NPTXR: variants seen among roughly 807,000 people sequenced by gnomAD.
NPTXR encodes the protein neuronal pentraxin receptor.
Under a neutral mutation model 32.2 loss-of-function variants are expected in NPTXR, and 12 were observed. That is an observed-to-expected ratio of 0.37 (90% confidence interval 0.24 to 0.60). The LOEUF (loss-of-function observed/expected upper bound fraction) is 0.60. Among genes scored for constraint, NPTXR ranks in the 20% least tolerant of loss-of-function variants. NPTXR has a pLI of 0.66. For synonymous variants in NPTXR, 323 were observed against 315.8 expected (o/e 1.02, Z -0.24); for missense variants, 612 against 682.9 (o/e 0.90, Z 1.16).
In NPTXR at chr22:38,820,548, C is replaced by G. The variant is rs1458835564; in HGVS notation, c.*2061G>C. ...GGGACACCTCAGCTCTCCATTCTGCCGAAGCGCCCAGGGATCATAACCTCC... is the reference window on the plus strand; with the variant it reads ...GGGACACCTCAGCTCTCCATTCTGCGGAAGCGCCCAGGGATCATAACCTCC... On this transcript the variant is annotated 3_prime_UTR_variant, in exon 5 of 5. Coordinates refer to ENST00000333039, the MANE Select transcript of NPTXR (RefSeq NM_014293.4). The G allele has an allele frequency of 6.6e-6, 1 of 152,146 alleles. No homozygotes were observed. Among genetic ancestry groups the G allele is most frequent in the Non-Finnish European group, 1.5e-5 (1 of 68,050 alleles). 9.4% of individuals were successfully genotyped at this position (152,146 alleles called of 1,614,324 possible).
At chr22:38,835,431 T>C (rs2093122531) in intron 1 of NPTXR, among the ~76,000 whole-genome samples, 2 of 152,154 alleles carry the variant, frequency 1.3e-5, no homozygotes, top group South Asian at 4.1e-4. Context: ...TTGGTTTTGA[T>C]CATCCTGGTC....
At chr22:38,823,366 G>A in intron 3 of NPTXR, 104 bp from the exon 4 acceptor site, 2 of 1,024,354 alleles carry the variant, frequency 2.0e-6, no homozygotes, top group Middle Eastern at 3.1e-4. Context: ...CATCCTTCCA[G>A]GGCCCGACCC....
At chr22:38,829,791 G>A (rs2146194435) in intron 1 of NPTXR, among the ~76,000 whole-genome samples, 1 of 152,328 alleles carries the variant, frequency 6.6e-6, no homozygotes, top group African/African-American at 2.4e-5. Flanking sequence ...AGTTGTGGCT[G>A]GAGGCAAAAC....
chr22:38,824,153 T>C (rs1569326870), intron 3 of NPTXR, among the ~76,000 whole-genome samples: 1 of 151,492 alleles, frequency 6.6e-6, no homozygotes, highest in Non-Finnish European at 1.5e-5. Flanking sequence ...TTTTTTTTTT[T>C]TTTTTTTTGT....
intron 1 of NPTXR, among the ~76,000 whole-genome samples, chr22:38,832,089 G>A (rs2093117134): frequency 6.6e-6 from 1 of 152,204 alleles, no homozygotes; most frequent in Admixed American, 6.5e-5. Flanking sequence ...ACGCTGTTTG[G>A]AGGAGAAAAC....
chr22:38,830,167 C>T (rs1314698976), intron 1 of NPTXR, among the ~76,000 whole-genome samples: 2 of 152,312 alleles, frequency 1.3e-5, no homozygotes, highest in South Asian at 2.1e-4. Flanking sequence ...TTGCAGGAAC[C>T]GGCCCTCGGC....
rs1456694020 is a variant in NPTXR at position 38,822,052 on chromosome 22, G to T, written c.*557C>A. On this transcript the variant is annotated 3_prime_UTR_variant, in exon 5 of 5. Transcript: ENST00000333039. Reference sequence around the variant, plus strand: ...GAGGAGGAAAGAGGAGGAAGAGGGAGGCATGGGTGGGGGGGGGGGGAGGCT... The same window carrying T: ...GAGGAGGAAAGAGGAGGAAGAGGGATGCATGGGTGGGGGGGGGGGGAGGCT... 8.3e-6 allele frequency: 1 copy of T among 120,304 alleles called. No homozygotes were observed. The highest frequency in any genetic ancestry group is 1.7e-5 in the Non-Finnish European group (1 of 57,902). 7.5% of individuals were successfully genotyped at this position (120,304 alleles called of 1,614,324 possible).
chr22:38,822,605 C>T lies in NPTXR; in HGVS notation c.*4G>A. 1 of 1,599,726 alleles carries T rather than the reference C, an allele frequency of 6.3e-7. No individual in the cohort carries two copies. The highest frequency in any genetic ancestry group is 8.5e-7 in the Non-Finnish European group (1 of 1,174,508). On this transcript the variant is annotated 3_prime_UTR_variant, in exon 5 of 5. Coordinates refer to ENST00000333039, the MANE Select transcript of NPTXR (RefSeq NM_014293.4). ...AAGGGAGGGGCCCTGGATGAGGTGG[C>T]CCCTCATGCCTTGGCCCTCCCCTTG... is the stretch of plus-strand genomic sequence containing the variant.
In NPTXR at chr22:38,834,614, A is replaced by ATCCC. The variant is rs2093121296; in HGVS notation, c.625-6103_625-6102insGGGA. On this transcript the variant is annotated intron_variant, in intron 1 of 4. Transcript: ENST00000333039. This position sits in a 1 kb window ranked among gnomAD's most constrained non-coding sequence, Gnocchi z 4.4. ...CCATCCATCCATCATCCATCCATCC[A>ATCCC]TCCATCCATCCATCCATCCATCCAT... Among the ~76,000 whole-genome samples the ATCCC allele has an allele frequency of 6.9e-6, 1 of 145,940 alleles. No homozygotes were observed. The highest frequency in any genetic ancestry group is 1.5e-5 in the Non-Finnish European group (1 of 67,728).
rs2093092126 is a variant in NPTXR, at chr22:38,818,923, A to T, written c.*3686T>A. On this transcript the variant is annotated 3_prime_UTR_variant, in exon 5 of 5. Coordinates refer to ENST00000333039, the MANE Select transcript of NPTXR (RefSeq NM_014293.4). This position sits in a 1 kb window ranked among gnomAD's most constrained non-coding sequence, Gnocchi z 4.5. ...CTGCGTCCTAGAGAGGGCTGAATGC[A>T]GTCAGAAGGCTGGGCTCAAGTCTCC... is the stretch of plus-strand genomic sequence containing the variant. 1 of 152,402 alleles carries T rather than the reference A, an allele frequency of 6.6e-6. No homozygotes were observed. The highest frequency in any genetic ancestry group is 2.4e-5 in the African/African-American group (1 of 41,440). 9.4% of individuals were successfully genotyped at this position (152,402 alleles called of 1,614,324 possible). A position where few individuals can be genotyped will look rare whatever the true frequency, so the allele number is the denominator to read the frequency against.
Position 38,843,841 on chromosome 22 carries a change from C to A in NPTXR, c.18G>T (p.Val6=). ...ACGCCAGCATGCCCGCGGCCAGCAGCACGGCCAGGAACTTCAGCGTGAGGC... is the reference window on the plus strand; with the variant it reads ...ACGCCAGCATGCCCGCGGCCAGCAGAACGGCCAGGAACTTCAGCGTGAGGC... Residue 6 remains valine, a synonymous_variant, in exon 1 of 5, where the codon GTG becomes GTT. Transcript: ENST00000333039. The surrounding 1 kb of genome is among the most constrained non-coding windows in gnomAD (Gnocchi z 5.3). The A allele has an allele frequency of 9.8e-7, 1 of 1,016,458 alleles. No individual in the cohort carries two copies. The highest frequency in any genetic ancestry group is 1.2e-6 in the Non-Finnish European group (1 of 852,034). 63.0% of individuals were successfully genotyped at this position (1,016,458 alleles called of 1,614,324 possible). A position where few individuals can be genotyped will look rare whatever the true frequency, so the allele number is the denominator to read the frequency against.
Position 38,818,581 on chromosome 22 carries a change from CAT to C in NPTXR, c.*4026_*4027del, listed in dbSNP as rs1223847498. The C allele has an allele frequency of 6.6e-6, 1 of 152,444 alleles. No homozygotes were observed. The highest frequency in any genetic ancestry group is 2.4e-5 in the African/African-American group (1 of 41,416). The allele number at this position is 152,444 out of a possible 1,614,324, so 9.4% of individuals were successfully genotyped here. A position where few individuals can be genotyped will look rare whatever the true frequency, so the allele number is the denominator to read the frequency against. ...ACACACACGCACACATGTTGCAGCTCATGTCAATTTATGTACAAAACAGGGAG... is the reference window on the plus strand; with the variant it reads ...ACACACACGCACACATGTTGCAGCTCGTCAATTTATGTACAAAACAGGGAG... On this transcript the variant is annotated 3_prime_UTR_variant, in exon 5 of 5. Coordinates refer to ENST00000333039, the MANE Select transcript of NPTXR (RefSeq NM_014293.4). The surrounding 1 kb of genome is among the most constrained non-coding windows in gnomAD (Gnocchi z 4.5).
chr22:38,840,530 A>G (rs992507450), intron 1 of NPTXR, among the ~76,000 whole-genome samples: 2 of 151,834 alleles, frequency 1.3e-5, no homozygotes, highest in East Asian at 1.9e-4. Flanking sequence ...GTGTACAGAG[A>G]TGAGGCCAAT....
intron 2 of NPTXR, among the ~76,000 whole-genome samples, chr22:38,828,070 C>T (rs1310063487): frequency 6.6e-6 from 1 of 152,194 alleles, no homozygotes; most frequent in Non-Finnish European, 1.5e-5. Context: ...ACTTAGCCCA[C>T]TCCCAGGACA....
At chr22:38,839,650 GA>G (rs796456137) in intron 1 of NPTXR, among the ~76,000 whole-genome samples, 11,465 of 130,644 alleles carry the variant, frequency 0.088, 1,234 homozygotes, top group African/African-American at 0.27. Context: ...GTCTCAAAAA[GA>G]AAAAAAAAAA....
In NPTXR at chr22:38,821,173, C is replaced by A. The variant is rs2146188814; in HGVS notation, c.*1436G>T. On this transcript the variant is annotated 3_prime_UTR_variant, in exon 5 of 5. Coordinates refer to ENST00000333039, the MANE Select transcript of NPTXR (RefSeq NM_014293.4). ...CCTCCCAAAGTGCTGGGATTACAGG[C>A]GTGAGCCACCGTGCCCGGCCTCTCA... 1 of 152,428 alleles carries A rather than the reference C, an allele frequency of 6.6e-6. No homozygotes were observed. Among genetic ancestry groups the A allele is most frequent in the Non-Finnish European group, 1.5e-5 (1 of 68,142 alleles). The allele number at this position is 152,428 out of a possible 1,614,324, so 9.4% of individuals were successfully genotyped here. A position where few individuals can be genotyped will look rare whatever the true frequency, so the allele number is the denominator to read the frequency against.
chr22:38,827,807 T>C (rs945298900), intron 2 of NPTXR, among the ~76,000 whole-genome samples: 2 of 152,230 alleles, frequency 1.3e-5, no homozygotes, highest in African/African-American at 4.8e-5. Flanking sequence ...CTTATGCTTA[T>C]ACCTGTACCC....
rs369466485 is a variant in NPTXR at position 38,831,103 on chromosome 22, G to A, written c.625-2591C>T. Among the ~76,000 whole-genome samples, 15 of 152,294 alleles carry A rather than the reference G, an allele frequency of 9.8e-5. No individual in the cohort carries two copies. In the East Asian group the frequency reaches 2.5e-3, roughly 26 times the overall value. On this transcript the variant is annotated intron_variant, in intron 1 of 4. Coordinates refer to ENST00000333039, the MANE Select transcript of NPTXR (RefSeq NM_014293.4). ...TGGTGCAGACTAACCACAAAGCCTT[G>A]GTTTCCCCTCCTCTAAAACGGGAAC...
chr22:38,822,240 C>A lies in NPTXR; in HGVS notation c.*369G>T. 3.8e-6 allele frequency: 1 copy of A among 261,560 alleles called. No individual in the cohort carries two copies. Among genetic ancestry groups the A allele is most frequent in the Non-Finnish European group, 7.5e-6 (1 of 132,988 alleles). 16.2% of individuals were successfully genotyped at this position (261,560 alleles called of 1,614,324 possible). A position where few individuals can be genotyped will look rare whatever the true frequency, so the allele number is the denominator to read the frequency against. On this transcript the variant is annotated 3_prime_UTR_variant, in exon 5 of 5. Coordinates refer to ENST00000333039, the MANE Select transcript of NPTXR (RefSeq NM_014293.4). ...GGGACAAGGGGGCGGGCGGCCACCC[C>A]CACCACTGAGATAGTGGGGTCCCCC...
Sources: allele counts gnomAD v4.1 joint callset (sites outside exome capture counted in the v4.1 genomes callset), GRCh38; gene constraint gnomAD v4.1.1; non-coding constraint Gnocchi (gnomAD v3.1); transcripts MANE v1.5; gene names NCBI Gene and HGNC (gene_info 2026-07-23, HGNC 2026-07-21).